ZFAND3: variants seen among roughly 807,000 people sequenced by gnomAD.
ZFAND3 encodes zinc finger AN1-type containing 3.
ZFAND3 carries 10 observed loss-of-function variants against 29.6 expected under a neutral mutation model. The observed-to-expected ratio is 0.34, with a 90% confidence interval of 0.21 to 0.57. The LOEUF (loss-of-function observed/expected upper bound fraction) is 0.57. ZFAND3 is among the 20% of genes least tolerant of loss of function. The pLI is 0.86. For synonymous variants in ZFAND3, 128 were observed against 112.6 expected, an observed-to-expected ratio of 1.14 and a Z score of -0.87; for missense variants, 230 against 304.5, an observed-to-expected ratio of 0.76 and a Z score of 1.82.
intron 1 of ZFAND3, among the ~76,000 whole-genome samples, chr6:37,845,252 G>A (rs13210967): frequency 0.081 from 12,263 of 152,030 alleles, 584 homozygotes; most frequent in African/African-American, 0.14. Context: ...ATCTTGGGAG[G>A]CAGACGTAAC....
rs778940578 is a variant in ZFAND3 at position 37,929,948 on chromosome 6, GT to G, written c.72-8del. ...GCTCTTCTTTCTTTCTTTTCTTTTT[GT>G]TTGCCCCAGGTCCAGCAAGACTATG... is the stretch of plus-strand genomic sequence containing the variant. On this transcript the variant is annotated splice_polypyrimidine_tract_variant and intron_variant, in intron 1 of 5. Transcript: ENST00000287218. The G allele has an allele frequency of 2.5e-6, 4 of 1,585,618 alleles. No individual in the cohort carries two copies. The highest frequency in any genetic ancestry group is 2.3e-5 in the East Asian group (1 of 44,392).
chr6:37,924,639 A>G (rs1341175202), intron 1 of ZFAND3, among the ~76,000 whole-genome samples: 1 of 151,850 alleles, frequency 6.6e-6, no homozygotes, highest in African/African-American at 2.4e-5. Flanking sequence ...GTTTGAGATC[A>G]GCCTGGGCAA....
chr6:38,135,689 G>C (rs914363254), intron 5 of ZFAND3, among the ~76,000 whole-genome samples: 28 of 152,212 alleles, frequency 1.8e-4, no homozygotes, highest in African/African-American at 6.5e-4. Flanking sequence ...AGGTTGCAGT[G>C]AGCCGAGATC....
At chr6:37,856,176 G>A (rs1764379017) in intron 1 of ZFAND3, among the ~76,000 whole-genome samples, 1 of 151,906 alleles carries the variant, frequency 6.6e-6, no homozygotes, top group Non-Finnish European at 1.5e-5. Flanking sequence ...TATATTTTTG[G>A]TAGAGACCCA....
intron 1 of ZFAND3, among the ~76,000 whole-genome samples, chr6:37,891,285 T>A (rs1018390000): frequency 6.6e-6 from 1 of 152,192 alleles, no homozygotes; most frequent in African/African-American, 2.4e-5. Context: ...TTCCATTATA[T>A]GGTTGTTACC....
intron 1 of ZFAND3, among the ~76,000 whole-genome samples, chr6:37,904,925 G>C (rs1765381983): frequency 6.6e-6 from 1 of 152,190 alleles, no homozygotes; most frequent in Non-Finnish European, 1.5e-5. Flanking sequence ...AAGGCTTCTA[G>C]TGTGTACGTG....
chr6:37,855,230 C>T (rs1235430767), intron 1 of ZFAND3, among the ~76,000 whole-genome samples: 1 of 151,304 alleles, frequency 6.6e-6, no homozygotes, highest in Non-Finnish European at 1.5e-5. Context: ...CGGCAGCCTC[C>T]ACCTCCCAGG....
chr6:37,981,738 C>T (rs902289471), intron 2 of ZFAND3, among the ~76,000 whole-genome samples: 3 of 151,880 alleles, frequency 2.0e-5, no homozygotes, highest in African/African-American at 7.3e-5. Context: ...GTTGTGTAAA[C>T]CGAAGAGTGT....
At chr6:37,946,936 A>G (rs1308987604) in intron 2 of ZFAND3, among the ~76,000 whole-genome samples, 2 of 152,114 alleles carry the variant, frequency 1.3e-5, no homozygotes, top group Non-Finnish European at 2.9e-5. Flanking sequence ...AGATGAAAAA[A>G]AGCTCTGGAG....
chr6:38,045,257 T>G lies in ZFAND3; in HGVS notation c.113-16336T>G, dbSNP rs140592907. Among the ~76,000 whole-genome samples, 150 of 151,878 alleles carry G rather than the reference T, an allele frequency of 9.9e-4. 1 individual carries two copies. The East Asian group carries it at 0.025, about 25-fold the overall frequency. ...TGCATGCCACTATGCCCGGCTAATT[T>G]TTGTATTTTTAGTAGAGATGGAGGT... On this transcript the variant is annotated intron_variant, in intron 2 of 5. Transcript: ENST00000287218.
intron 5 of ZFAND3, among the ~76,000 whole-genome samples, chr6:38,150,493 C>G (rs969383964): frequency 6.6e-6 from 1 of 152,190 alleles, no homozygotes; most frequent in Non-Finnish European, 1.5e-5. Flanking sequence ...ACTGGTTAGT[C>G]CCCAGCCATT....
In ZFAND3 at chr6:37,898,246, T is replaced by C. The variant is rs140825746; in HGVS notation, c.72-31713T>C. Among the ~76,000 whole-genome samples, 540 of 152,330 alleles carry C rather than the reference T, an allele frequency of 3.5e-3. 1 individual carries two copies. Among genetic ancestry groups the C allele is most frequent in the Non-Finnish European group, 4.9e-3 (333 of 68,030 alleles). ...AGTTCATTTTTTTTTCACACTGATA[T>C]CAAGTTGACCCAGCTCCGTTTATTG... is the stretch of plus-strand genomic sequence containing the variant. On this transcript the variant is annotated intron_variant, in intron 1 of 5. Transcript: ENST00000287218.
intron 4 of ZFAND3, among the ~76,000 whole-genome samples, chr6:38,107,590 G>A (rs1765234061): frequency 6.6e-6 from 1 of 152,180 alleles, no homozygotes; most frequent in Admixed American, 6.5e-5. Context: ...CCAGCACTTG[G>A]GGAGGCCGAG....
chr6:38,012,289 ATATTTGATATCCTGGGTAGCCG>A (rs146795349), intron 2 of ZFAND3, among the ~76,000 whole-genome samples: 12,857 of 151,924 alleles, frequency 0.085, 733 homozygotes, highest in East Asian at 0.28. Context: ...ATCAGTAGCT[ATATTTGATATCCTGGGTAGCCG>A]TATTTGATAT....
intron 2 of ZFAND3, among the ~76,000 whole-genome samples, chr6:37,954,950 A>G (rs1330343152): frequency 6.6e-6 from 1 of 152,210 alleles, no homozygotes; most frequent in Non-Finnish European, 1.5e-5. Context: ...CACCAGGTAT[A>G]GTTACCTCTA....
At chr6:38,099,609 A>G (rs1353557305) in intron 4 of ZFAND3, among the ~76,000 whole-genome samples, 1 of 152,224 alleles carries the variant, frequency 6.6e-6, no homozygotes, top group African/African-American at 2.4e-5. Flanking sequence ...CACCCTTTCA[A>G]AACTTACTAA....
chr6:38,115,959 C>G lies in ZFAND3; in HGVS notation c.362-613C>G, dbSNP rs577865496. Among the ~76,000 whole-genome samples the G allele has an allele frequency of 2.0e-5, 3 of 152,268 alleles. No individual in the cohort carries two copies. The East Asian group carries it at 5.8e-4, about 29-fold the overall frequency. The stretch of plus-strand genomic sequence containing the variant: ...ATAGGGCAGCTTGCATGTGTACCAG[C>G]AGAGGTGCCCCTTCATTCTGAATCA... On this transcript the variant is annotated intron_variant, in intron 4 of 5. Coordinates refer to ENST00000287218, the MANE Select transcript of ZFAND3 (RefSeq NM_021943.3).
At chr6:37,861,636 T>C (rs1438563214) in intron 1 of ZFAND3, among the ~76,000 whole-genome samples, 1 of 152,246 alleles carries the variant, frequency 6.6e-6, no homozygotes, top group Non-Finnish European at 1.5e-5. Flanking sequence ...TGAAATATTA[T>C]GAAAGAATTA....
At chr6:37,824,267 A>G (rs1763719735) in intron 1 of ZFAND3, among the ~76,000 whole-genome samples, 1 of 152,224 alleles carries the variant, frequency 6.6e-6, no homozygotes, top group Non-Finnish European at 1.5e-5. Context: ...TTTAGATGAA[A>G]TATACACATA....
Sources: gnomAD v4.1 joint callset for allele counts (sites outside exome capture counted in the v4.1 genomes callset) on GRCh38, gnomAD v4.1.1 for gene constraint, MANE v1.5 for transcripts, NCBI Gene and HGNC (gene_info 2026-07-23, HGNC 2026-07-21) for gene names.